SPTAN1: variants seen among roughly 807,000 people sequenced by gnomAD.
The protein encoded by SPTAN1 is spectrin alpha, non-erythrocytic 1.
In SPTAN1, 61 loss-of-function variants were observed where a neutral mutation model predicts 331.3. The observed-to-expected ratio is 0.18, with a 90% CI of 0.15 to 0.23. The LOEUF (loss-of-function observed/expected upper bound fraction) is 0.23, where lower values mean the gene tolerates loss of function less well. SPTAN1 is among the 10% of genes least tolerant of loss of function. The pLI is 1.00. For missense variants in SPTAN1, 2,043 were observed against 3,147.9 expected (o/e 0.65, Z 8.40); for synonymous variants, 1,153 against 1,173.9 (o/e 0.98, Z 0.36).
chr9:128,559,823 C>T (rs1396921925), intron 1 of SPTAN1, among the ~76,000 whole-genome samples: 1 of 151,762 alleles, frequency 6.6e-6, no homozygotes, highest in African/African-American at 2.4e-5. Context: ...CAACCTCTGC[C>T]TCCCGGGTTC....
chr9:128,603,457 G>A, intron 27 of SPTAN1, 86 bp from the exon 28 acceptor site: 6 of 1,475,858 alleles, frequency 4.1e-6, no homozygotes, highest in Non-Finnish European at 5.7e-6. Context: ...GTTAATCACA[G>A]GGACCTAATC....
intron 9 of SPTAN1, among the ~76,000 whole-genome samples, chr9:128,578,595 C>T (rs1890105): frequency 0.031 from 4,748 of 152,148 alleles, 253 homozygotes; most frequent in African/African-American, 0.11. Flanking sequence ...CTTTGGAAGG[C>T]TGAGGCGGGT....
chr9:128,599,921 T>C (rs954145096), intron 26 of SPTAN1, 159 bp from the exon 27 acceptor site: 2 of 768,188 alleles, frequency 2.6e-6, no homozygotes, highest in Non-Finnish European at 4.5e-6. Context: ...GCCTTGTAGT[T>C]TGTTACCAGC....
At chr9:128,578,383 G>A in intron 9 of SPTAN1, 138 bp downstream of exon 9, 11 of 1,254,688 alleles carry the variant, frequency 8.8e-6, no homozygotes, top group Non-Finnish European at 1.2e-5. Flanking sequence ...GATTATGGTT[G>A]GTTTTGCCTT....
At chr9:128,588,699 T>C in intron 20 of SPTAN1, 110 bp from the exon 21 acceptor site, 1 of 1,442,010 alleles carries the variant, frequency 6.9e-7, no homozygotes, top group South Asian at 1.1e-5. Flanking sequence ...TTCTCATGAG[T>C]GTATATTTGG....
chr9:128,607,529 T>C, intron 31 of SPTAN1, 75 bp from the exon 32 acceptor site: 1 of 1,261,264 alleles, frequency 7.9e-7, no homozygotes, highest in African/African-American at 1.5e-5. Context: ...AATTATGTCA[T>C]TCTCTGTTTT....
rs780303413 is a variant in SPTAN1 at position 128,585,907 on chromosome 9, G to T, written c.2720G>T (p.Arg907Leu). Residue 907 changes from arginine to leucine, a missense_variant, in exon 19 of 57, where the codon CGG becomes CTG. Coordinates refer to ENST00000372739, the MANE Select transcript of SPTAN1 (RefSeq NM_001130438.3). ...GCTAACGAGGCTGAATCCTGGATGCGGGAGAAGGAACCCATTGTGGGCAGC... is the reference window on the plus strand; with the variant it reads ...GCTAACGAGGCTGAATCCTGGATGCTGGAGAAGGAACCCATTGTGGGCAGC... ...ADANEAESWM[R>L]EKEPIVGSTD... 1.1e-5 allele frequency: 18 copies of T among 1,613,570 alleles called. No individual in the cohort carries two copies. Among genetic ancestry groups the T allele is most frequent in the Admixed American group, 1.7e-5 (1 of 59,986 alleles).
Position 128,615,622 on chromosome 9 carries a change from C to T in SPTAN1, c.5149-10C>T, listed in dbSNP as rs587784437. 1.7e-5 allele frequency: 27 copies of T among 1,613,634 alleles called. No homozygotes were observed. Among genetic ancestry groups the T allele is most frequent in the Non-Finnish European group, 2.3e-5 (27 of 1,180,038 alleles). On this transcript the variant is annotated splice_polypyrimidine_tract_variant and intron_variant, in intron 40 of 56. Coordinates refer to ENST00000372739, the MANE Select transcript of SPTAN1 (RefSeq NM_001130438.3). ...CCCAGTTTCTGACCCTCTTATGTCC[C>T]CTGCCCCAGGATCGCCTGAAGGACC... is the stretch of plus-strand genomic sequence containing the variant.
At chr9:128,582,632 T>C (rs761490801) in intron 13 of SPTAN1, 62 bp from the exon 14 acceptor site, 2 of 1,610,042 alleles carry the variant, frequency 1.2e-6, no homozygotes, top group Non-Finnish European at 1.7e-6. Context: ...GTTAAGTCTC[T>C]TCAACTGGAT....
In SPTAN1 at chr9:128,615,778, G is replaced by A; in HGVS notation, c.5295G>A (p.Leu1765=). 6.2e-7 allele frequency: 1 copy of A among 1,614,242 alleles called. No homozygotes were observed. Among genetic ancestry groups the A allele is most frequent in the African/African-American group, 1.3e-5 (1 of 75,074 alleles). ...KSMAASRRAK[L]NESHRLHQFF... ...TGGCGGCCTCCCGGCGAGCCAAGCT[G>A]AATGAATCCCATCGCCTGCACCAGT... The change falls in exon 41 of 57, where the codon CTG becomes CTA. Residue 1765 remains leucine, a synonymous_variant. Transcript: ENST00000372739.
At chr9:128,590,209 T>C (rs1230017153) in intron 21 of SPTAN1, among the ~76,000 whole-genome samples, 1 of 152,232 alleles carries the variant, frequency 6.6e-6, no homozygotes, top group African/African-American at 2.4e-5. Context: ...GTGATTCTTA[T>C]CTTTCTATTG....
intron 38 of SPTAN1, 95 bp downstream of exon 38, chr9:128,611,940 A>G: frequency 3.1e-6 from 5 of 1,605,792 alleles, no homozygotes; most frequent in Middle Eastern, 1.7e-4. Flanking sequence ...TTAAGACACT[A>G]AATGGATTAT....
intron 44 of SPTAN1, among the ~76,000 whole-genome samples, 164 bp downstream of exon 44, chr9:128,619,167 T>C (rs1304988986): frequency 6.6e-6 from 1 of 152,162 alleles, no homozygotes; most frequent in Non-Finnish European, 1.5e-5. Context: ...GATCTCACAC[T>C]AGGGGACATC....
chr9:128,555,446 T>C lies in SPTAN1; in HGVS notation c.-4+2750T>C, dbSNP rs1441877337. On this transcript the variant is annotated intron_variant, in intron 1 of 56. Coordinates refer to ENST00000372739, the MANE Select transcript of SPTAN1 (RefSeq NM_001130438.3). ...AACGGGTTGCCTTTTTGGTTTTGCC[T>C]GGCTTGCAGTGAAGGCATATTCGTG... 5.5e-6 allele frequency: 7 copies of C among 1,277,492 alleles called. No individual in the cohort carries two copies. The South Asian group carries it at 8.7e-5, about 16-fold the overall frequency. The allele number at this position is 1,277,492 out of a possible 1,614,324, so 79.1% of individuals were successfully genotyped here.
Position 128,609,265 on chromosome 9 carries a change from A to C in SPTAN1, c.4739A>C (p.Lys1580Thr), listed in dbSNP as rs745319868. Residue 1580 changes from lysine (K) to threonine (T), a missense_variant, in exon 36 of 57, where the codon AAG becomes ACG. Around this residue, in one of 12 missense-constraint regions of SPTAN1, gnomAD observed 323 missense variants for 581.1 expected, o/e 0.56. Transcript: ENST00000372739. ...CAAACAGCGAGTGATGAGTCGTACA[A>C]GGATCCCACCAACATCCAGGTAAGC... ...KLQTASDESYKDPTNIQLSKL... is the reference protein window; with the variant it reads ...KLQTASDESYTDPTNIQLSKL... 1.3e-5 allele frequency: 21 copies of C among 1,614,150 alleles called. No individual in the cohort carries two copies.
chr9:128,633,038 A>G (rs752569422), intron 56 of SPTAN1, 83 bp downstream of exon 56: 16 of 1,598,418 alleles, frequency 1.0e-5, no homozygotes, highest in Admixed American at 5.0e-5. Flanking sequence ...CTGGGGTAAC[A>G]GGCCCTGCGC....
At chr9:128,618,729 C>T (rs1857488758) in intron 43 of SPTAN1, 142 bp from the exon 44 acceptor site, 11 of 1,204,940 alleles carry the variant, frequency 9.1e-6, no homozygotes, top group Admixed American at 1.7e-5. Context: ...GTGATCTGCC[C>T]GCCTCGGCCT....
In SPTAN1 at chr9:128,604,176, T is replaced by G. The variant is rs555820599; in HGVS notation, c.3628-150T>G. 1.5e-5 allele frequency: 13 copies of G among 848,046 alleles called. No individual in the cohort carries two copies. In the South Asian group the frequency reaches 1.7e-4, roughly 11 times the overall value. 52.5% of individuals were successfully genotyped at this position (848,046 alleles called of 1,614,324 possible). A position where few individuals can be genotyped will look rare whatever the true frequency, so the allele number is the denominator to read the frequency against. On this transcript the variant is annotated intron_variant, in intron 28 of 56. Transcript: ENST00000372739. ...TTTGGCTTGGCTCTTACTGGAATAT[T>G]GTATACTAATTTATTCAGCGAGGAA...
intron 24 of SPTAN1, chr9:128,596,397 C>G (rs1487980681): frequency 6.6e-6 from 1 of 152,178 alleles, no homozygotes; most frequent in Non-Finnish European, 1.5e-5. Context: ...CTGCCTCAGC[C>G]TCCCGAGTAG....
Sources: allele counts gnomAD v4.1 joint callset (sites outside exome capture counted in the v4.1 genomes callset), GRCh38; gene constraint gnomAD v4.1.1; regional missense constraint gnomAD v4.1.1; transcripts MANE v1.5; gene names NCBI Gene and HGNC (gene_info 2026-07-23, HGNC 2026-07-21).